Variants in FAT3 observed in about 807,000 individuals in gnomAD.
FAT3 encodes the protein protocadherin Fat 3.
A neutral mutation model predicts 310.2 loss-of-function variants in FAT3; 95 were observed. That is an observed-to-expected ratio of 0.31 (90% CI 0.26 to 0.36). The LOEUF (loss-of-function observed/expected upper bound fraction) is 0.36, where lower values mean the gene tolerates loss of function less well. Among genes scored for constraint, FAT3 ranks in the 10% least tolerant of loss-of-function variants. The pLI is 1.00. For synonymous variants in FAT3, 2,314 were observed against 2,192.9 expected, an observed-to-expected ratio of 1.06 and a Z score of -1.54; for missense variants, 5,408 against 5,715.6, an observed-to-expected ratio of 0.95 and a Z score of 1.74.
intron 20 of FAT3, 147 bp from the exon 21 acceptor site, chr11:92,859,018 C>A (rs1031492874): frequency 4.7e-6 from 3 of 636,924 alleles, no homozygotes; most frequent in Non-Finnish European, 7.1e-6. Context: ...GGTTTTTAAT[C>A]AAAAATGATT....
intron 2 of FAT3, among the ~76,000 whole-genome samples, chr11:92,411,457 T>C (rs1176258556): frequency 2.0e-5 from 3 of 151,992 alleles, no homozygotes; most frequent in Admixed American, 1.3e-4. Flanking sequence ...CTTCTGAAAG[T>C]GTGTCTACAT....
rs2136211710 is a variant in FAT3 at position 92,809,978 on chromosome 11, C to A, written c.9383C>A (p.Pro3128His). 1 of 1,613,890 alleles carries A rather than the reference C, an allele frequency of 6.2e-7. No individual in the cohort carries two copies. Among genetic ancestry groups the A allele is most frequent in the East Asian group, 2.2e-5 (1 of 44,864 alleles). ...HLILEDVNDN[P>H]PVFSSDHYNT... is the part of the protein sequence containing the mutation. Reference sequence around the variant, plus strand: ...ATCCTGGAGGATGTGAATGATAACCCCCCTGTGTTTTCTTCTGACCACTAC... The same window carrying A: ...ATCCTGGAGGATGTGAATGATAACCACCCTGTGTTTTCTTCTGACCACTAC... Residue 3128 changes from proline to histidine, a missense_variant, in exon 13 of 28, where the codon CCC becomes CAC. By Grantham distance (77) the Pro-to-His change is moderately conservative. Around this residue, in one of 5 missense-constraint regions of FAT3, gnomAD observed 4,588 missense variants for 4,809.8 expected, o/e 0.95. Coordinates refer to ENST00000525166, the MANE Select transcript of FAT3 (RefSeq NM_001367949.2).
rs1372829586 is a variant in FAT3, at chr11:92,867,246, T to C, written c.12127+37T>C. 3 of 1,502,392 alleles carry C rather than the reference T, an allele frequency of 2.0e-6. No individual in the cohort carries two copies. In the South Asian group the frequency reaches 3.8e-5, roughly 19 times the overall value. 93.1% of individuals were successfully genotyped at this position (1,502,392 alleles called of 1,614,324 possible). ...TACGCAGTGGGCACTGGCCTGGGGG[T>C]TTGAGGGGAGAGTGAATGAACTGCA... On this transcript the variant is annotated intron_variant, in intron 22 of 27. Transcript: ENST00000525166.
intron 21 of FAT3, 36 bp from the exon 22 acceptor site, chr11:92,866,705 T>A: frequency 6.4e-7 from 1 of 1,569,026 alleles, no homozygotes; most frequent in Non-Finnish European, 8.7e-7. Context: ...CCCAGTTGCA[T>A]GTTGAAAAGT....
chr11:92,271,660 G>A (rs914835694), intron 1 of FAT3, among the ~76,000 whole-genome samples: 4 of 152,144 alleles, frequency 2.6e-5, no homozygotes, highest in Middle Eastern at 3.2e-3. Context: ...GATTGACTGA[G>A]TGACATTTAA....
intron 4 of FAT3, among the ~76,000 whole-genome samples, chr11:92,750,600 A>T (rs1394630892): frequency 1.3e-5 from 2 of 151,602 alleles, no homozygotes; most frequent in Non-Finnish European, 2.9e-5. Flanking sequence ...TCTTATTGTT[A>T]CAGTTAAACC....
chr11:92,550,884 A>G (rs1317270082), intron 3 of FAT3, among the ~76,000 whole-genome samples: 1 of 151,862 alleles, frequency 6.6e-6, no homozygotes, highest in Non-Finnish European at 1.5e-5. Flanking sequence ...TGCTTAGCAA[A>G]AGGAGTGCCC....
At chr11:92,282,283 C>T (rs1446319431) in intron 1 of FAT3, among the ~76,000 whole-genome samples, 1 of 152,176 alleles carries the variant, frequency 6.6e-6, no homozygotes, top group Non-Finnish European at 1.5e-5. Flanking sequence ...CTTATTGTCA[C>T]CTGCCTTGTA....
intron 2 of FAT3, among the ~76,000 whole-genome samples, chr11:92,412,722 TATATATATATATATATATATATAA>T (rs1456795365): frequency 2.8e-4 from 5 of 17,740 alleles, no homozygotes; most frequent in African/African-American, 5.3e-4. Context: ...TATATATATA[TATATATATATATATATATATATAA>T]ATATACATAC....
chr11:92,323,981 C>T (rs1462075070), intron 1 of FAT3, among the ~76,000 whole-genome samples: 1 of 152,158 alleles, frequency 6.6e-6, no homozygotes, highest in Non-Finnish European at 1.5e-5. Context: ...GCTTCTTTTC[C>T]TAAACCTCAT....
At chr11:92,319,480 A>G (rs2134486836) in intron 1 of FAT3, among the ~76,000 whole-genome samples, 1 of 152,352 alleles carries the variant, frequency 6.6e-6, no homozygotes, top group South Asian at 2.1e-4. Flanking sequence ...CATGTTTTAA[A>G]AAGTCATTAT....
chr11:92,233,025 G>A (rs1290887073), intron 1 of FAT3, among the ~76,000 whole-genome samples: 1 of 152,110 alleles, frequency 6.6e-6, no homozygotes. Context: ...TCATACAGAA[G>A]ACTGAAATTC....
intron 22 of FAT3, among the ~76,000 whole-genome samples, chr11:92,867,922 A>G (rs1486485518): frequency 6.6e-6 from 1 of 152,098 alleles, no homozygotes; most frequent in Non-Finnish European, 1.5e-5. Flanking sequence ...AAAAAAAGCA[A>G]AAGATTTATA....
intron 1 of FAT3, among the ~76,000 whole-genome samples, chr11:92,246,438 C>A (rs1414656075): frequency 2.0e-5 from 3 of 151,914 alleles, no homozygotes; most frequent in East Asian, 1.9e-4. Flanking sequence ...AAAAATTCTT[C>A]AAAGAAACAG....
intron 1 of FAT3, among the ~76,000 whole-genome samples, chr11:92,286,077 A>C (rs1339778487): frequency 2.0e-5 from 3 of 152,066 alleles, no homozygotes; most frequent in Non-Finnish European, 4.4e-5. Flanking sequence ...CTGGAGACTG[A>C]CTGCCTTCCC....
At chr11:92,704,362 G>A (rs922473625) in intron 4 of FAT3, among the ~76,000 whole-genome samples, 5 of 152,250 alleles carry the variant, frequency 3.3e-5, no homozygotes, top group African/African-American at 1.2e-4. Flanking sequence ...CCACATGGTG[G>A]GTACCAGCTT....
At chr11:92,378,926 T>G (rs144325193) in intron 2 of FAT3, among the ~76,000 whole-genome samples, 1 of 152,318 alleles carries the variant, frequency 6.6e-6, no homozygotes, top group Non-Finnish European at 1.5e-5. Flanking sequence ...TACTGAGGAC[T>G]GCTGCCCTGT....
In FAT3 at chr11:92,477,733, G is replaced by A. The variant is rs767463853; in HGVS notation, c.3293-46901G>A. Among the ~76,000 whole-genome samples, 11 of 152,288 alleles carry A rather than the reference G, an allele frequency of 7.2e-5. No homozygotes were observed. The South Asian group carries it at 1.2e-3, about 17-fold the overall frequency. On this transcript the variant is annotated intron_variant, in intron 2 of 27. Coordinates refer to ENST00000525166, the MANE Select transcript of FAT3 (RefSeq NM_001367949.2). ...GGTACCTGACCCTAGAGCAGGTGCC[G>A]AGTAAATATCTAAGGTTGAATGTAT...
chr11:92,349,662 C>G (rs1050985601), intron 1 of FAT3, among the ~76,000 whole-genome samples: 15 of 152,210 alleles, frequency 9.9e-5, no homozygotes, highest in Admixed American at 6.5e-5. Flanking sequence ...CTGACTTGGT[C>G]CCTGCCCTAG....
Sources: gnomAD v4.1 joint callset for allele counts (sites outside exome capture counted in the v4.1 genomes callset) on GRCh38, gnomAD v4.1.1 for gene constraint, gnomAD v4.1.1 regional missense constraint, MANE v1.5 for transcripts, NCBI Gene and HGNC (gene_info 2026-07-23, HGNC 2026-07-21) for gene names.